ABCC1: variants seen among roughly 807,000 people sequenced by gnomAD.
The protein encoded by ABCC1 is multidrug resistance-associated protein 1.
ABCC1 carries 83 observed loss-of-function variants against 172.9 expected under a neutral mutation model. That is an observed-to-expected ratio of 0.48 (90% CI 0.40 to 0.58). ABCC1 has a LOEUF of 0.58. Among genes scored for constraint, ABCC1 ranks in the 20% least tolerant of loss-of-function variants. The probability of loss-of-function intolerance (pLI) is 0.00; values close to 1 mark genes in which losing one functional copy is unlikely to be tolerated. For missense variants in ABCC1, 1,817 were observed against 2,002.7 expected, an observed-to-expected ratio of 0.91 and a Z score of 1.77; for synonymous variants, 937 against 825.2, an observed-to-expected ratio of 1.14 and a Z score of -2.32.
intron 20 of ABCC1, among the ~76,000 whole-genome samples, chr16:16,104,086 C>T (rs569856685): frequency 1.1e-4 from 17 of 152,148 alleles, no homozygotes; most frequent in African/African-American, 3.4e-4. Flanking sequence ...CTCTGGCTGG[C>T]TTCAGGAGTG....
chr16:16,055,655 C>T (rs45523037), intron 11 of ABCC1, among the ~76,000 whole-genome samples: 6,865 of 152,096 alleles, frequency 0.045, 167 homozygotes, highest in Middle Eastern at 0.13. Flanking sequence ...TTTCTGTACA[C>T]CTGAAGGGTT....
intron 20 of ABCC1, among the ~76,000 whole-genome samples, chr16:16,104,728 G>C (rs574390979): frequency 6.6e-6 from 1 of 152,152 alleles, no homozygotes; most frequent in Admixed American, 6.5e-5. Flanking sequence ...GGCGGCACTC[G>C]TCCGGGAGGC....
At chr16:16,116,021 G>A (rs914067894) in intron 23 of ABCC1, among the ~76,000 whole-genome samples, 3 of 151,672 alleles carry the variant, frequency 2.0e-5, no homozygotes, top group African/African-American at 4.8e-5. Flanking sequence ...TCCTGCCTCA[G>A]CCTCCCGAGT....
At chr16:16,121,094 T>G (rs2045133065) in intron 23 of ABCC1, among the ~76,000 whole-genome samples, 1 of 152,232 alleles carries the variant, frequency 6.6e-6, no homozygotes, top group Non-Finnish European at 1.5e-5. Flanking sequence ...TCTATATGAT[T>G]TATGAAATAA....
chr16:15,978,408 G>A (rs1034621564), intron 1 of ABCC1, among the ~76,000 whole-genome samples: 2 of 152,082 alleles, frequency 1.3e-5, no homozygotes, highest in African/African-American at 4.8e-5. Flanking sequence ...ACAAAAAACA[G>A]GTATTGTCCT....
chr16:16,066,293 T>A (rs1247224374), intron 12 of ABCC1, among the ~76,000 whole-genome samples: 1 of 152,024 alleles, frequency 6.6e-6, no homozygotes, highest in Non-Finnish European at 1.5e-5. Context: ...GCGATTCTCC[T>A]GCCTCAGCCT....
intron 1 of ABCC1, among the ~76,000 whole-genome samples, chr16:15,985,706 A>G (rs541038310): frequency 2.4e-3 from 360 of 152,026 alleles, no homozygotes; most frequent in African/African-American, 8.3e-3. Flanking sequence ...TGGGCTCCCA[A>G]AGTGCTGGGA....
chr16:16,079,231 C>A, intron 15 of ABCC1, 121 bp from the exon 16 acceptor site: 1 of 1,432,814 alleles, frequency 7.0e-7, no homozygotes, highest in Non-Finnish European at 9.5e-7. Flanking sequence ...GTGTTTAGTA[C>A]AGTCTTGCCT....
chr16:16,104,364 C>T (rs575928404), intron 20 of ABCC1, among the ~76,000 whole-genome samples: 1 of 152,198 alleles, frequency 6.6e-6, no homozygotes, highest in Admixed American at 6.5e-5. Context: ...TGACAGGGTG[C>T]TGATTGGTGT....
intron 12 of ABCC1, among the ~76,000 whole-genome samples, chr16:16,067,734 A>G (rs1244673963): frequency 1.3e-5 from 2 of 152,150 alleles, no homozygotes; most frequent in Non-Finnish European, 2.9e-5. Context: ...TGGCAGGGCT[A>G]TTTGGGTAAA....
intron 10 of ABCC1, among the ~76,000 whole-genome samples, chr16:16,050,696 C>G (rs914733471): frequency 7.0e-6 from 1 of 143,004 alleles, no homozygotes. Flanking sequence ...AGTTTGAGAC[C>G]AGCCTGGGCA....
intron 1 of ABCC1, among the ~76,000 whole-genome samples, chr16:15,956,514 T>A (rs2046001493): frequency 6.6e-6 from 1 of 152,044 alleles, no homozygotes; most frequent in Non-Finnish European, 1.5e-5. Context: ...TGGTTGTTTT[T>A]TGATAGAGAT....
At chr16:15,986,803 A>C (rs981076016) in intron 1 of ABCC1, among the ~76,000 whole-genome samples, 3 of 152,160 alleles carry the variant, frequency 2.0e-5, no homozygotes, top group African/African-American at 7.2e-5. Flanking sequence ...GCACCTGTTC[A>C]GCTTAGTTCC....
At chr16:15,953,709 G>T (rs1450995508) in intron 1 of ABCC1, among the ~76,000 whole-genome samples, 1 of 152,150 alleles carries the variant, frequency 6.6e-6, no homozygotes, top group Non-Finnish European at 1.5e-5. Context: ...ACCGTCGATG[G>T]AGTGAGCTGG....
At chr16:16,024,445 G>A (rs1393053081) in intron 5 of ABCC1, among the ~76,000 whole-genome samples, 1 of 152,072 alleles carries the variant, frequency 6.6e-6, no homozygotes, top group Non-Finnish European at 1.5e-5. Context: ...TCCACCTCCG[G>A]GGCTCAAGCG....
chr16:16,097,265 A>T (rs544103487), intron 19 of ABCC1, among the ~76,000 whole-genome samples: 1 of 152,268 alleles, frequency 6.6e-6, no homozygotes, highest in South Asian at 2.1e-4. Flanking sequence ...GATGCCTGCC[A>T]CCACGCCCGG....
intron 1 of ABCC1, among the ~76,000 whole-genome samples, chr16:15,987,347 A>G (rs1425158874): frequency 4.6e-5 from 7 of 152,190 alleles, no homozygotes; most frequent in Admixed American, 3.3e-4. Flanking sequence ...CTGGCCTAGT[A>G]TTACAGGGTG....
chr16:16,117,723 T>C (rs911176905), intron 23 of ABCC1, among the ~76,000 whole-genome samples: 1 of 152,128 alleles, frequency 6.6e-6, no homozygotes, highest in African/African-American at 2.4e-5. Flanking sequence ...CTGACCAATA[T>C]GGTGAAACCC....
intron 1 of ABCC1, among the ~76,000 whole-genome samples, chr16:16,001,024 CA>C (rs1234866993): frequency 6.6e-6 from 1 of 152,192 alleles, no homozygotes; most frequent in Non-Finnish European, 1.5e-5. Context: ...CACAGCCTTT[CA>C]GAATCTCCAG....
Sources: gnomAD v4.1 joint callset for allele counts (sites outside exome capture counted in the v4.1 genomes callset) on GRCh38, gnomAD v4.1.1 for gene constraint, MANE v1.5 for transcripts, NCBI Gene and HGNC (gene_info 2026-07-23, HGNC 2026-07-21) for gene names.